ADCY8: variants seen among roughly 807,000 people sequenced by gnomAD.
ADCY8 encodes the protein adenylate cyclase type 8.
A neutral mutation model predicts 119.7 loss-of-function variants in ADCY8; 51 were observed. The observed-to-expected ratio is 0.43, with a 90% CI of 0.34 to 0.54. The LOEUF is 0.54. Among genes scored for constraint, ADCY8 ranks in the 20% least tolerant of loss-of-function variants. ADCY8 has a pLI of 0.03. For synonymous variants in ADCY8, 665 were observed against 651.0 expected, an observed-to-expected ratio of 1.02 and a Z score of -0.33; for missense variants, 1,383 against 1,598.8, an observed-to-expected ratio of 0.87 and a Z score of 2.30.
intron 2 of ADCY8, among the ~76,000 whole-genome samples, chr8:130,981,472 A>G (rs956747260): frequency 2.0e-5 from 3 of 152,222 alleles, no homozygotes; most frequent in Non-Finnish European, 4.4e-5. Context: ...GTTAGGCTAT[A>G]TTAGGTTTCC....
At chr8:130,880,404 A>C (rs987829165) in intron 8 of ADCY8, among the ~76,000 whole-genome samples, 1 of 152,202 alleles carries the variant, frequency 6.6e-6, no homozygotes, top group Non-Finnish European at 1.5e-5. Flanking sequence ...GAAAATATCC[A>C]ATAAGAAATA....
At chr8:130,851,598 G>A (rs1215870823) in intron 9 of ADCY8, among the ~76,000 whole-genome samples, 3 of 152,082 alleles carry the variant, frequency 2.0e-5, no homozygotes, top group African/African-American at 7.2e-5. Flanking sequence ...GAAGTGAAGA[G>A]GAAACGTGTT....
chr8:130,793,468 A>G (rs989128206), intron 15 of ADCY8, among the ~76,000 whole-genome samples: 77 of 152,286 alleles, frequency 5.1e-4, no homozygotes, highest in African/African-American at 1.8e-3. Flanking sequence ...TGTCTATTGT[A>G]CAACATATTT....
intron 2 of ADCY8, among the ~76,000 whole-genome samples, chr8:130,983,466 A>G (rs1416122176): frequency 6.6e-6 from 1 of 152,230 alleles, no homozygotes; most frequent in East Asian, 1.9e-4. Context: ...AGAGAATGGC[A>G]GAGAAGCAGA....
At chr8:130,890,216 G>A (rs918317976) in intron 7 of ADCY8, among the ~76,000 whole-genome samples, 3 of 140,528 alleles carry the variant, frequency 2.1e-5, no homozygotes, top group South Asian at 2.4e-4. Flanking sequence ...TCAGGGGAGT[G>A]GGGAGGGATA....
chr8:130,819,175 A>G (rs1265087332), intron 13 of ADCY8, among the ~76,000 whole-genome samples: 1 of 152,228 alleles, frequency 6.6e-6, no homozygotes, highest in Non-Finnish European at 1.5e-5. Context: ...CATAGCTACT[A>G]AGTGGCAGAG....
intron 5 of ADCY8, among the ~76,000 whole-genome samples, chr8:130,918,721 A>G (rs1820205470): frequency 6.6e-6 from 1 of 152,212 alleles, no homozygotes; most frequent in Non-Finnish European, 1.5e-5. Context: ...TTTAAAAACC[A>G]GAATCAAACC....
chr8:130,862,652 A>G (rs1032563598), intron 9 of ADCY8, among the ~76,000 whole-genome samples: 15 of 152,158 alleles, frequency 9.9e-5, no homozygotes, highest in African/African-American at 1.7e-4. Context: ...TGACCTCGTG[A>G]TCTGCCCGCC....
chr8:130,970,011 T>C lies in ADCY8; in HGVS notation c.1111-18013A>G, dbSNP rs200495015. ...CATTAAATTATAACTATAGGGTCCTTTCTGCAGGGACAATGACACCTTTGT... is the reference window on the plus strand; with the variant it reads ...CATTAAATTATAACTATAGGGTCCTCTCTGCAGGGACAATGACACCTTTGT... On this transcript the variant is annotated intron_variant, in intron 2 of 17. Coordinates refer to ENST00000286355, the MANE Select transcript of ADCY8 (RefSeq NM_001115.3). Among the ~76,000 whole-genome samples, 3 of 152,358 alleles carry C rather than the reference T, an allele frequency of 2.0e-5. No homozygotes were observed. The East Asian group carries it at 5.8e-4, about 29-fold the overall frequency.
chr8:130,861,065 C>T (rs1463302499), intron 9 of ADCY8, among the ~76,000 whole-genome samples: 7 of 152,088 alleles, frequency 4.6e-5, no homozygotes, highest in African/African-American at 1.7e-4. Context: ...TTCTATTGAG[C>T]GATGTGTTTA....
rs1478607746 is a variant in ADCY8, at chr8:130,854,920, C to T, written c.2211-5117G>A. Among the ~76,000 whole-genome samples, 6 of 140,364 alleles carry T rather than the reference C, an allele frequency of 4.3e-5. No homozygotes were observed. The South Asian group carries it at 1.0e-3, about 24-fold the overall frequency. The allele number at this position is 140,364 out of a possible 152,430, so 92.1% of individuals were successfully genotyped here. Reference sequence around the variant, plus strand: ...CCCTCCCTCCCCCTTTTCTTTTCCCCCTTTCTGCCTCCCCCTCTCTCTTTC... The same window carrying T: ...CCCTCCCTCCCCCTTTTCTTTTCCCTCTTTCTGCCTCCCCCTCTCTCTTTC... On this transcript the variant is annotated intron_variant, in intron 9 of 17. Coordinates refer to ENST00000286355, the MANE Select transcript of ADCY8 (RefSeq NM_001115.3).
intron 5 of ADCY8, 74 bp from the exon 6 acceptor site, chr8:130,909,940 CTT>C (rs71304398): frequency 5.6e-3 from 5,874 of 1,051,090 alleles, no homozygotes; most frequent in South Asian, 0.01. Flanking sequence ...ACTTTCTTTT[CTT>C]TTTTTTTTTT....
intron 15 of ADCY8, among the ~76,000 whole-genome samples, chr8:130,787,461 A>G (rs989178307): frequency 9.9e-5 from 15 of 152,086 alleles, no homozygotes; most frequent in African/African-American, 3.6e-4. Context: ...CTATGTGTGC[A>G]TATTGCGTGT....
intron 1 of ADCY8, among the ~76,000 whole-genome samples, chr8:131,026,228 A>G (rs1823819202): frequency 6.6e-6 from 1 of 152,116 alleles, no homozygotes; most frequent in Admixed American, 6.5e-5. Flanking sequence ...GTCTAGAAAA[A>G]AGGCCTCAGA....
intron 1 of ADCY8, among the ~76,000 whole-genome samples, chr8:131,023,189 G>T (rs990048965): frequency 1.3e-5 from 2 of 152,198 alleles, no homozygotes; most frequent in Non-Finnish European, 2.9e-5. Context: ...TATGGTAGGT[G>T]TGTAGGAAGT....
chr8:130,847,657 T>C (rs967749926), intron 10 of ADCY8, 144 bp from the exon 11 acceptor site: 1 of 632,386 alleles, frequency 1.6e-6, no homozygotes, highest in Non-Finnish European at 2.8e-6. Flanking sequence ...TAGAGGGGAC[T>C]TGAAGTCAGA....
intron 1 of ADCY8, among the ~76,000 whole-genome samples, chr8:131,023,237 T>G (rs76232938): frequency 1.3e-5 from 2 of 152,342 alleles, no homozygotes; most frequent in East Asian, 3.9e-4. Flanking sequence ...CCTAAGCTAC[T>G]CTGAAACAAA....
rs544058362 is a variant in ADCY8 at position 130,972,809 on chromosome 8, T to C, written c.1110+17584A>G. On this transcript the variant is annotated intron_variant, in intron 2 of 17. Transcript: ENST00000286355. The stretch of plus-strand genomic sequence containing the variant: ...GTATGACAGGCTAGGTTTCAGTACA[T>C]TTTCTAGCTGAGTGACCTTCCTTCA... Among the ~76,000 whole-genome samples, 12 of 151,448 alleles carry C rather than the reference T, an allele frequency of 7.9e-5. No individual in the cohort carries two copies. The South Asian group carries it at 2.5e-3, about 32-fold the overall frequency.
chr8:131,015,711 A>AT (rs1189686861), intron 1 of ADCY8, among the ~76,000 whole-genome samples: 1 of 152,026 alleles, frequency 6.6e-6, no homozygotes. Flanking sequence ...AAATTATCTT[A>AT]TTTTTTATAA....
Sources: gnomAD v4.1 joint callset for allele counts (sites outside exome capture counted in the v4.1 genomes callset) on GRCh38, gnomAD v4.1.1 for gene constraint, MANE v1.5 for transcripts, NCBI Gene and HGNC (gene_info 2026-07-23, HGNC 2026-07-21) for gene names.